The following CCDC170 variants were observed in gnomAD, a reference collection of about 807,000 sequenced individuals.
CCDC170 encodes the protein coiled-coil domain containing 170, also known as coiled-coil domain-containing protein 170.
Under a neutral mutation model 72.6 loss-of-function variants are expected in CCDC170, and 69 were observed. That is an observed-to-expected ratio of 0.95 (90% CI 0.78 to 1.16). CCDC170 has a LOEUF of 1.16. Ranked by LOEUF, CCDC170 falls within the 50% of genes most tolerant of loss-of-function variation. CCDC170 has a pLI of 0.00. For missense variants in CCDC170, 852 were observed against 832.5 expected, an observed-to-expected ratio of 1.02 and a Z score of -0.29; for synonymous variants, 300 against 303.9, an observed-to-expected ratio of 0.99 and a Z score of 0.13.
intron 9 of CCDC170, among the ~76,000 whole-genome samples, chr6:151,608,384 G>A (rs1309515542): frequency 4.6e-5 from 7 of 152,102 alleles, no homozygotes; most frequent in Admixed American, 4.6e-4. Context: ...TTTTTCATGT[G>A]TCTTGTGTCC....
Position 151,617,982 on chromosome 6 carries a change from A to G in CCDC170, c.1983A>G (p.Leu661=). The change falls in exon 11 of 11, where the codon CTA becomes CTG. Residue 661 remains leucine (L), a synonymous_variant. Coordinates refer to ENST00000239374, the MANE Select transcript of CCDC170 (RefSeq NM_025059.4). ...TCAGGGAGGTGGTGTCGCAGATGCT[A>G]GGCTTGAACGTGACCAGCCTTGCTC... The part of the protein sequence containing the change: ...ADFREVVSQM[L]GLNVTSLALP... The G allele has an allele frequency of 6.8e-6, 11 of 1,614,086 alleles. No homozygotes were observed. Among genetic ancestry groups the G allele is most frequent in the Non-Finnish European group, 9.3e-6 (11 of 1,179,990 alleles).
chr6:151,526,356 G>C (rs1031903630), intron 1 of CCDC170, among the ~76,000 whole-genome samples: 2 of 151,838 alleles, frequency 1.3e-5, no homozygotes, highest in Admixed American at 1.3e-4. Flanking sequence ...CTAGTAGCTG[G>C]AACTACAGGC....
intron 5 of CCDC170, among the ~76,000 whole-genome samples, chr6:151,556,383 A>G (rs768573345): frequency 1.3e-5 from 2 of 152,234 alleles, no homozygotes; most frequent in Non-Finnish European, 2.9e-5. Flanking sequence ...TGAACCTGGG[A>G]GGTGGAGTTT....
chr6:151,515,245 T>C (rs1274484191), intron 1 of CCDC170, among the ~76,000 whole-genome samples: 7 of 152,346 alleles, frequency 4.6e-5, no homozygotes, highest in Non-Finnish European at 8.8e-5. Flanking sequence ...GCCATTAGAT[T>C]TGTAAATCAA....
intron 3 of CCDC170, among the ~76,000 whole-genome samples, chr6:151,538,505 C>T (rs1782629733): frequency 6.6e-6 from 1 of 152,160 alleles, no homozygotes; most frequent in Admixed American, 6.6e-5. Context: ...AGAGTCTTAA[C>T]AAATACAGCC....
chr6:151,575,676 T>C (rs1488578040), intron 6 of CCDC170, among the ~76,000 whole-genome samples: 3 of 151,428 alleles, frequency 2.0e-5, no homozygotes, highest in African/African-American at 7.3e-5. Context: ...ACTACAGGCA[T>C]GCACCACCAC....
intron 3 of CCDC170, among the ~76,000 whole-genome samples, chr6:151,543,794 C>T (rs1395712426): frequency 6.6e-6 from 1 of 152,150 alleles, no homozygotes; most frequent in East Asian, 1.9e-4. Context: ...CCACTCCTGA[C>T]AGGATTTCAC....
intron 1 of CCDC170, among the ~76,000 whole-genome samples, chr6:151,516,624 C>T (rs1220892547): frequency 6.6e-6 from 1 of 151,728 alleles, no homozygotes; most frequent in African/African-American, 2.4e-5. Context: ...GTTTGATAGG[C>T]AAAAGAAAGA....
chr6:151,532,166 C>T (rs1196331471), intron 1 of CCDC170, among the ~76,000 whole-genome samples: 5 of 46,986 alleles, frequency 1.1e-4, no homozygotes, highest in African/African-American at 2.1e-4. Flanking sequence ...CTATTGAAAA[C>T]AATCCCAAAC....
chr6:151,496,245 A>G (rs1781910499), intron 1 of CCDC170, among the ~76,000 whole-genome samples: 1 of 152,164 alleles, frequency 6.6e-6, no homozygotes, highest in South Asian at 2.1e-4. Context: ...AGCTTATCCC[A>G]TTATTGGTGA....
At chr6:151,546,678 A>G (rs867303245) in intron 4 of CCDC170, among the ~76,000 whole-genome samples, 1 of 152,138 alleles carries the variant, frequency 6.6e-6, no homozygotes, top group Non-Finnish European at 1.5e-5. Context: ...AAATCATTCA[A>G]TAGCCAACCC....
chr6:151,593,458 A>T (rs1489651039), intron 8 of CCDC170, among the ~76,000 whole-genome samples, 178 bp downstream of exon 8: 1 of 150,860 alleles, frequency 6.6e-6, no homozygotes, highest in Non-Finnish European at 1.5e-5. Context: ...TGTATCTGTC[A>T]CCTAAGGTTG....
chr6:151,556,785 T>C (rs2115067644), intron 5 of CCDC170, among the ~76,000 whole-genome samples: 1 of 152,256 alleles, frequency 6.6e-6, no homozygotes, highest in East Asian at 1.9e-4. Flanking sequence ...AATACATTGT[T>C]AACTATAGTC....
intron 2 of CCDC170, 77 bp downstream of exon 2, chr6:151,536,523 T>C: frequency 6.5e-7 from 1 of 1,536,710 alleles, no homozygotes; most frequent in Admixed American, 1.7e-5. Context: ...ACGCCTGTAA[T>C]CCCAGCACTT....
intron 5 of CCDC170, among the ~76,000 whole-genome samples, chr6:151,563,593 T>A (rs998743110): frequency 2.6e-4 from 40 of 152,100 alleles, no homozygotes; most frequent in Non-Finnish European, 2.6e-4. Context: ...GCAGGGCTGT[T>A]TCCCACTATG....
At chr6:151,544,911 T>G (rs1267157101) in intron 4 of CCDC170, among the ~76,000 whole-genome samples, 195 bp downstream of exon 4, 1 of 152,138 alleles carries the variant, frequency 6.6e-6, no homozygotes, top group African/African-American at 2.4e-5. Flanking sequence ...TTTTCTAGCA[T>G]TATTGGAATT....
At chr6:151,567,607 A>G (rs1776156379) in intron 5 of CCDC170, among the ~76,000 whole-genome samples, 1 of 152,212 alleles carries the variant, frequency 6.6e-6, no homozygotes, top group Non-Finnish European at 1.5e-5. Context: ...TTGTAAAGGT[A>G]TAGTTATGTT....
intron 9 of CCDC170, among the ~76,000 whole-genome samples, chr6:151,597,852 C>T (rs1007308606): frequency 6.6e-6 from 1 of 152,196 alleles, no homozygotes; most frequent in Non-Finnish European, 1.5e-5. Context: ...CATCCTGGCT[C>T]TTTGCAGACA....
intron 9 of CCDC170, among the ~76,000 whole-genome samples, chr6:151,601,903 T>C (rs977762833): frequency 6.6e-6 from 1 of 152,360 alleles, no homozygotes; most frequent in African/African-American, 2.4e-5. Flanking sequence ...ATACATAAAA[T>C]TAACCATCAT....
Sources: gnomAD v4.1 joint callset for allele counts (sites outside exome capture counted in the v4.1 genomes callset) on GRCh38, gnomAD v4.1.1 for gene constraint, MANE v1.5 for transcripts, NCBI Gene and HGNC (gene_info 2026-07-23, HGNC 2026-07-21) for gene names.